Variants in CIB1 observed in about 807,000 individuals in gnomAD.
CIB1 encodes the protein calcium and integrin binding 1.
CIB1 carries 19 observed loss-of-function variants against 25.0 expected under a neutral mutation model. That is an observed-to-expected ratio of 0.76 (90% CI 0.53 to 1.12). The LOEUF (loss-of-function observed/expected upper bound fraction) is 1.12. Among genes scored for constraint, CIB1 ranks in the 50% most tolerant of loss-of-function variants. The pLI is 0.00. For synonymous variants in CIB1, 104 were observed against 98.5 expected (o/e 1.06, Z -0.33); for missense variants, 236 against 242.6 (o/e 0.97, Z 0.18).
chr15:90,253,203 G>A, the CIB1 span: 4 of 1,528,200 alleles, frequency 2.6e-6, no homozygotes, highest in Non-Finnish European at 3.6e-6. Context: ...TCCAGGGCTT[G>A]TTGCTGGTGT....
chr15:90,260,793 G>A, the CIB1 span, among the ~76,000 whole-genome samples: 9 of 149,766 alleles, frequency 6.0e-5, no homozygotes, highest in African/African-American at 2.2e-4. Flanking sequence ...GGAGGTTGCA[G>A]TGAGCTGAGA....
At chr15:90,264,196 ACTC>A in the CIB1 span, 5 of 628,586 alleles carry the variant, frequency 8.0e-6, no homozygotes, top group East Asian at 1.4e-4. Flanking sequence ...CCATTTATTT[ACTC>A]CTTTTTTTTT....
chr15:90,231,304 C>T, intron 4 of CIB1, 53 bp downstream of exon 4: 1 of 1,609,176 alleles, frequency 6.2e-7, no homozygotes, highest in Non-Finnish European at 8.5e-7. Flanking sequence ...AGGGCCACCA[C>T]AAAGCCCACG....
upstream of CIB1, among the ~76,000 whole-genome samples, chr15:90,235,759 G>A (rs1224473760): frequency 2.6e-5 from 4 of 151,888 alleles, no homozygotes; most frequent in African/African-American, 9.7e-5. Flanking sequence ...TGGTAGAGAC[G>A]GGGTTTCACC....
At chr15:90,240,805 C>T in the CIB1 span, 2 of 769,338 alleles carry the variant, frequency 2.6e-6, no homozygotes. Flanking sequence ...CAGAGTGAGA[C>T]TCCATCTCAA....
chr15:90,239,926 A>C, the CIB1 span, among the ~76,000 whole-genome samples: 277 of 150,752 alleles, frequency 1.8e-3, 3 homozygotes, highest in African/African-American at 6.4e-3. Flanking sequence ...ACCTGTTTCA[A>C]AATAAAATAG....
Position 90,231,481 on chromosome 15 carries a change from G to A in CIB1, c.222C>T (p.Cys74=). 3 of 1,614,130 alleles carry A rather than the reference G, an allele frequency of 1.9e-6. No homozygotes were observed. The highest frequency in any genetic ancestry group is 2.7e-5 in the African/African-American group (2 of 75,066). The part of the protein sequence containing the change: ...LKANPFKERI[C]RVFSTSPAKD... Reference sequence around the variant, plus strand: ...TGGCTGGGGATGTGGAGAAGACCCTGCAGATTCGCTCCTTGAAGGGGTTGG... The same window carrying A: ...TGGCTGGGGATGTGGAGAAGACCCTACAGATTCGCTCCTTGAAGGGGTTGG... The change falls in exon 4 of 7, where the codon TGC becomes TGT. Residue 74 remains cysteine (C), a synonymous_variant. Coordinates refer to ENST00000328649, the MANE Select transcript of CIB1 (RefSeq NM_006384.4).
the CIB1 span, chr15:90,244,130 G>T: frequency 6.6e-6 from 1 of 152,166 alleles, no homozygotes; most frequent in Non-Finnish European, 1.5e-5. Flanking sequence ...CAGGCAGCTG[G>T]AGTCGGGACT....
chr15:90,253,230 G>A, the CIB1 span: 3 of 1,605,844 alleles, frequency 1.9e-6, no homozygotes, highest in Admixed American at 3.3e-5. Flanking sequence ...TGGCACTACT[G>A]ATCTCCCTGT....
chr15:90,230,373 T>G lies in CIB1; in HGVS notation c.*111A>C, dbSNP rs761660913. The G allele has an allele frequency of 7.6e-7, 1 of 1,323,106 alleles. No homozygotes were observed. Among genetic ancestry groups the G allele is most frequent in the Non-Finnish European group, 1.1e-6 (1 of 948,326 alleles). 82.0% of individuals were successfully genotyped at this position (1,323,106 alleles called of 1,614,324 possible). On this transcript the variant is annotated 3_prime_UTR_variant, in exon 7 of 7. Transcript: ENST00000328649. Reference sequence around the variant, plus strand: ...CGGGGTGAGGCTGCACAGCGCCAGCTCCAGGCTGGGCCAGCTTGGCCCGCA... The same window carrying G: ...CGGGGTGAGGCTGCACAGCGCCAGCGCCAGGCTGGGCCAGCTTGGCCCGCA...
the CIB1 span, among the ~76,000 whole-genome samples, chr15:90,240,444 G>A: frequency 6.6e-6 from 1 of 152,194 alleles, no homozygotes; most frequent in East Asian, 1.9e-4. Context: ...GGAGGTGGAG[G>A]TTGCAGTGAG....
the CIB1 span, chr15:90,257,213 T>G: frequency 6.2e-7 from 1 of 1,613,832 alleles, no homozygotes; most frequent in Non-Finnish European, 8.5e-7. Flanking sequence ...TCTCCGGATC[T>G]TCACATATGA....
At chr15:90,250,956 C>G in the CIB1 span, 1 of 1,550,126 alleles carries the variant, frequency 6.5e-7, no homozygotes, top group Non-Finnish European at 8.7e-7. Flanking sequence ...CCTTCAACAT[C>G]TGGAGGAGCT....
the CIB1 span, among the ~76,000 whole-genome samples, chr15:90,246,787 CAAAAAAAAAAAAAAAAAAAAAAAA>C: frequency 1.8e-4 from 8 of 45,250 alleles, no homozygotes; most frequent in Admixed American, 3.0e-4. Context: ...GACTCTGTCT[CAAAAAAAAAAAAAAAAAAAAAAAA>C]AAAAAAAAAA....
the CIB1 span, chr15:90,240,753 C>G: frequency 1.7e-6 from 1 of 595,650 alleles, no homozygotes; most frequent in South Asian, 2.2e-5. Flanking sequence ...GCGGAGGTTA[C>G]AGTGAACCAA....
the CIB1 span, chr15:90,258,891 G>A: frequency 3.8e-5 from 62 of 1,614,140 alleles, no homozygotes; most frequent in Non-Finnish European, 5.1e-5. Flanking sequence ...GTCAAGGAAC[G>A]GCTTTTCCAG....
At chr15:90,233,633 C>G (rs781072973) in intron 2 of CIB1, 36 bp downstream of exon 2, 7 of 1,562,008 alleles carry the variant, frequency 4.5e-6, no homozygotes, top group Non-Finnish European at 5.2e-6. Flanking sequence ...TCTAGAGGAT[C>G]CCGGGGTCGG....
At chr15:90,241,638 T>C in the CIB1 span, 2 of 1,614,160 alleles carry the variant, frequency 1.2e-6, no homozygotes, top group Non-Finnish European at 1.7e-6. Flanking sequence ...TGGAGGCCAT[T>C]TGCATCTGCT....
the CIB1 span, chr15:90,265,672 G>A: frequency 3.1e-6 from 5 of 1,608,670 alleles, no homozygotes; most frequent in Non-Finnish European, 4.2e-6. Context: ...TACTTCCGCT[G>A]CTGTTTCGTA....
Sources: gnomAD v4.1 joint callset for allele counts (sites outside exome capture counted in the v4.1 genomes callset) on GRCh38, gnomAD v4.1.1 for gene constraint, MANE v1.5 for transcripts, NCBI Gene and HGNC (gene_info 2026-07-23, HGNC 2026-07-21) for gene names.